MACC1: variants seen among roughly 807,000 people sequenced by gnomAD.
MACC1 encodes the protein metastasis-associated in colon cancer protein 1.
MACC1 carries 79 observed loss-of-function variants against 70.7 expected under a neutral mutation model. The ratio of observed to expected loss-of-function variants is 1.12; its 90% CI spans 0.93 to 1.35. MACC1 has a LOEUF of 1.35. Ranked by LOEUF, MACC1 falls within the 40% of genes most tolerant of loss-of-function variation. The pLI, the probability that MACC1 is intolerant of heterozygous loss-of-function variation, is 0.00. For missense variants in MACC1, 1,106 were observed against 978.1 expected (o/e 1.13, Z -1.74); for synonymous variants, 361 against 347.2 (o/e 1.04, Z -0.44).
intron 6 of MACC1, among the ~76,000 whole-genome samples, chr7:20,151,479 CT>C (rs1163094536): frequency 6.6e-6 from 1 of 152,178 alleles, no homozygotes; most frequent in Non-Finnish European, 1.5e-5. Flanking sequence ...GAAAAACATA[CT>C]TTGCTTATTA....
intron 1 of MACC1, among the ~76,000 whole-genome samples, chr7:20,181,565 T>C (rs1782507174): frequency 6.6e-6 from 1 of 152,114 alleles, no homozygotes; most frequent in African/African-American, 2.4e-5. Context: ...AAAAAATCAT[T>C]TGCTAAAATT....
intron 1 of MACC1, among the ~76,000 whole-genome samples, chr7:20,211,905 G>C (rs896812120): frequency 7.2e-5 from 11 of 152,294 alleles, no homozygotes; most frequent in African/African-American, 2.6e-4. Context: ...AATCTTAAAA[G>C]TATAATGTAG....
chr7:20,181,535 T>A (rs981541786), intron 1 of MACC1, among the ~76,000 whole-genome samples: 5 of 152,246 alleles, frequency 3.3e-5, no homozygotes, highest in Non-Finnish European at 5.9e-5. Flanking sequence ...GTAAAAACTA[T>A]GATTATCTCA....
intron 1 of MACC1, among the ~76,000 whole-genome samples, chr7:20,204,362 G>C (rs1404418073): frequency 6.6e-6 from 1 of 152,156 alleles, no homozygotes; most frequent in Non-Finnish European, 1.5e-5. Flanking sequence ...CACCGTGTTA[G>C]CCAGGATGGT....
chr7:20,204,278 C>T (rs904602787), intron 1 of MACC1, among the ~76,000 whole-genome samples: 1 of 152,124 alleles, frequency 6.6e-6, no homozygotes, highest in African/African-American at 2.4e-5. Context: ...CCTCAGCCTC[C>T]AGAGCAGCTG....
intron 2 of MACC1, among the ~76,000 whole-genome samples, chr7:20,167,007 G>GAAC (rs2128103860): frequency 6.6e-6 from 1 of 152,082 alleles, no homozygotes; most frequent in South Asian, 2.1e-4. Context: ...AGGACTCCCT[G>GAAC]AACAGATACA....
intron 6 of MACC1, among the ~76,000 whole-genome samples, chr7:20,149,714 C>T (rs1781946646): frequency 6.6e-6 from 1 of 152,104 alleles, no homozygotes; most frequent in African/African-American, 2.4e-5. Flanking sequence ...TCTCAGTGGT[C>T]CCTAGAGCTC....
chr7:20,160,339 GACTT>G (rs1412969185), intron 4 of MACC1, 94 bp from the exon 5 acceptor site: 42 of 1,396,024 alleles, frequency 3.0e-5, no homozygotes, highest in Non-Finnish European at 3.3e-5. Context: ...AAAAATTCAG[GACTT>G]ACTTTTCATT....
chr7:20,209,798 T>G (rs1782969975), intron 1 of MACC1, among the ~76,000 whole-genome samples: 1 of 152,200 alleles, frequency 6.6e-6, no homozygotes, highest in Admixed American at 6.5e-5. Context: ...TCTTGAATTG[T>G]GATCTTCCTA....
At chr7:20,178,395 G>T (rs1782446300) in intron 1 of MACC1, among the ~76,000 whole-genome samples, 1 of 151,876 alleles carries the variant, frequency 6.6e-6, no homozygotes. Flanking sequence ...AATTAACAAG[G>T]TTTACAGTTG....
chr7:20,191,501 G>A (rs1782672137), intron 1 of MACC1, among the ~76,000 whole-genome samples: 1 of 152,182 alleles, frequency 6.6e-6, no homozygotes. Context: ...TGTAGGAGTT[G>A]GTGCTATCAG....
chr7:20,145,725 A>G (rs190994770), intron 6 of MACC1, among the ~76,000 whole-genome samples: 97 of 152,318 alleles, frequency 6.4e-4, no homozygotes, highest in African/African-American at 2.3e-3. Flanking sequence ...TAAAATCATT[A>G]TGGAGTTAGG....
rs114564086 is a variant in MACC1 at position 20,172,482 on chromosome 7, C to T, written c.-217-1704G>A. On this transcript the variant is annotated intron_variant, in intron 1 of 6. Transcript: ENST00000400331. ...AAAATAAAATATATAAATATATATA[C>T]GCACATATATATACACACATATATA... 5.0e-3 allele frequency among the ~76,000 whole-genome samples: 753 copies of T among 151,890 alleles called. 9 individuals carry two copies. The highest frequency in any genetic ancestry group is 0.017 in the African/African-American group (718 of 41,388).
At chr7:20,170,156 G>A (rs1014019695) in intron 2 of MACC1, 1 of 152,192 alleles carries the variant, frequency 6.6e-6, no homozygotes, top group African/African-American at 2.4e-5. Context: ...ATAGACAGAC[G>A]TAACTTCAGA....
chr7:20,204,166 T>G (rs891601934), intron 1 of MACC1, among the ~76,000 whole-genome samples: 1 of 152,170 alleles, frequency 6.6e-6, no homozygotes, highest in African/African-American at 2.4e-5. Context: ...TGTTTGTTTG[T>G]TTTTTTGAGA....
chr7:20,188,723 C>T (rs979378508), intron 1 of MACC1, among the ~76,000 whole-genome samples: 2 of 152,138 alleles, frequency 1.3e-5, no homozygotes, highest in Admixed American at 6.6e-5. Context: ...TCAAGGTCAC[C>T]TCTGACATTC....
chr7:20,153,053 T>C (rs926657815), intron 6 of MACC1, among the ~76,000 whole-genome samples: 2 of 152,244 alleles, frequency 1.3e-5, no homozygotes, highest in African/African-American at 2.4e-5. Flanking sequence ...ATTTATAGGC[T>C]GTAATGCCCT....
At chr7:20,147,364 G>A (rs932839017) in intron 6 of MACC1, 1 of 152,052 alleles carries the variant, frequency 6.6e-6, no homozygotes, top group African/African-American at 2.4e-5. Context: ...ACTACTTTTG[G>A]ATAATTACAT....
chr7:20,185,249 A>G (rs894212249), intron 1 of MACC1, among the ~76,000 whole-genome samples: 7 of 152,192 alleles, frequency 4.6e-5, no homozygotes, highest in African/African-American at 1.7e-4. Context: ...TATCCCAGCC[A>G]TTTCTGCTTT....
Sources: gnomAD v4.1 joint callset for allele counts (sites outside exome capture counted in the v4.1 genomes callset) on GRCh38, gnomAD v4.1.1 for gene constraint, MANE v1.5 for transcripts, NCBI Gene and HGNC (gene_info 2026-07-23, HGNC 2026-07-21) for gene names.